Variants in SLC9B1 observed in about 807,000 individuals in gnomAD.
SLC9B1 encodes sodium/hydrogen exchanger 9B1.
Under a neutral mutation model 51.7 loss-of-function variants are expected in SLC9B1, and 32 were observed. The observed-to-expected ratio is 0.62, with a 90% CI of 0.47 to 0.83. SLC9B1 has a LOEUF of 0.83. Ranked by LOEUF, SLC9B1 falls within the 40% of genes least tolerant of loss-of-function variation. The probability of loss-of-function intolerance (pLI) is 0.00; values close to 1 mark genes in which losing one functional copy is unlikely to be tolerated. For synonymous variants in SLC9B1, 145 were observed against 212.7 expected (o/e 0.68, Z 2.77); for missense variants, 406 against 613.2 (o/e 0.66, Z 3.57).
At chr4:102,936,646 G>A (rs1736739307) in intron 6 of SLC9B1, among the ~76,000 whole-genome samples, 1 of 152,158 alleles carries the variant, frequency 6.6e-6, no homozygotes, top group Admixed American at 6.5e-5. Context: ...ACCAAGCTGA[G>A]AAAAGAATCT....
chr4:102,907,326 A>G (rs1350346137), intron 9 of SLC9B1, among the ~76,000 whole-genome samples: 4 of 151,930 alleles, frequency 2.6e-5, no homozygotes, highest in Non-Finnish European at 5.9e-5. Context: ...TGGGTTCTCA[A>G]AAGGGGGTTG....
chr4:102,944,734 G>A (rs998244244), intron 6 of SLC9B1, among the ~76,000 whole-genome samples: 1 of 152,206 alleles, frequency 6.6e-6, no homozygotes, highest in African/African-American at 2.4e-5. Context: ...AGATGGATGG[G>A]GCATTGGATA....
chr4:102,990,718 T>G (rs1362711030), intron 2 of SLC9B1, among the ~76,000 whole-genome samples: 2 of 151,746 alleles, frequency 1.3e-5, no homozygotes, highest in Non-Finnish European at 2.9e-5. Context: ...ATACTTTGAG[T>G]GAGTGAAAGA....
intron 3 of SLC9B1, among the ~76,000 whole-genome samples, chr4:102,950,798 AGCCTGACCAACATG>A (rs996255986): frequency 6.6e-6 from 1 of 152,148 alleles, no homozygotes; most frequent in African/African-American, 2.4e-5. Flanking sequence ...GTTCAAAATG[AGCCTGACCAACATG>A]GTGAAACGCT....
At chr4:102,977,108 C>CCA (rs1438276574) in intron 3 of SLC9B1, among the ~76,000 whole-genome samples, 9 of 151,792 alleles carry the variant, frequency 5.9e-5, no homozygotes, top group Non-Finnish European at 1.0e-4. Flanking sequence ...TGTGATGGTG[C>CCA]CACTGTACTG....
At chr4:102,990,151 T>C (rs192240839) in intron 2 of SLC9B1, among the ~76,000 whole-genome samples, 1 of 152,078 alleles carries the variant, frequency 6.6e-6, no homozygotes, top group African/African-American at 2.4e-5. Flanking sequence ...GAACCTTTTA[T>C]AGACTTGGGT....
chr4:102,912,714 T>G (rs1402124479), intron 7 of SLC9B1, among the ~76,000 whole-genome samples: 1 of 151,928 alleles, frequency 6.6e-6, no homozygotes, highest in Non-Finnish European at 1.5e-5. Flanking sequence ...AACCCCATCT[T>G]TACAAGAAAA....
intron 3 of SLC9B1, among the ~76,000 whole-genome samples, chr4:102,981,432 T>G (rs530213007): frequency 6.6e-6 from 1 of 152,268 alleles, no homozygotes; most frequent in South Asian, 2.1e-4. Flanking sequence ...TGCCAAACTA[T>G]CATCCAAAGG....
chr4:102,981,498 G>A (rs193194243), intron 3 of SLC9B1, among the ~76,000 whole-genome samples: 244 of 152,200 alleles, frequency 1.6e-3, no homozygotes, highest in Middle Eastern at 0.014. Flanking sequence ...CTGTTGCTCC[G>A]TACCCTTGCC....
intron 6 of SLC9B1, among the ~76,000 whole-genome samples, chr4:102,939,025 T>G (rs937764255): frequency 2.0e-5 from 3 of 149,204 alleles, no homozygotes; most frequent in African/African-American, 4.9e-5. Flanking sequence ...ATAACCAAAA[T>G]CAGAGCAGAA....
intron 1 of SLC9B1, among the ~76,000 whole-genome samples, chr4:103,009,857 T>G (rs1447031109): frequency 6.6e-6 from 1 of 152,202 alleles, no homozygotes; most frequent in Non-Finnish European, 1.5e-5. Context: ...CAAATGAATT[T>G]GAGACCTACA....
At chr4:103,008,793 GTTTCTTTTTTTTTT>G (rs1214680301) in intron 1 of SLC9B1, among the ~76,000 whole-genome samples, 16 of 115,442 alleles carry the variant, frequency 1.4e-4, no homozygotes, top group Admixed American at 5.6e-4. Context: ...GGCTTTAACA[GTTTCTTTTTTTTTT>G]TTTTTTTTTT....
chr4:102,927,675 C>T (rs1449381393), intron 7 of SLC9B1, among the ~76,000 whole-genome samples: 2 of 152,214 alleles, frequency 1.3e-5, no homozygotes, highest in Non-Finnish European at 1.5e-5. Flanking sequence ...GGCGATTCCT[C>T]GAGGATATAG....
At chr4:103,007,631 C>T (rs543679315) in intron 1 of SLC9B1, among the ~76,000 whole-genome samples, 15 of 127,840 alleles carry the variant, frequency 1.2e-4, no homozygotes, top group African/African-American at 3.6e-4. Context: ...GATGGGTTCT[C>T]ACTCTGTCTG....
intron 3 of SLC9B1, among the ~76,000 whole-genome samples, chr4:102,955,139 C>T (rs975087272): frequency 1.3e-5 from 2 of 152,116 alleles, no homozygotes; most frequent in Non-Finnish European, 2.9e-5. Context: ...ACAATTCCCA[C>T]GTGTTGTGGG....
At chr4:102,916,281 C>T (rs914779035) in intron 7 of SLC9B1, among the ~76,000 whole-genome samples, 10 of 152,158 alleles carry the variant, frequency 6.6e-5, no homozygotes, top group African/African-American at 2.4e-4. Flanking sequence ...CAAAAGAGAA[C>T]AACGATGGCC....
intron 11 of SLC9B1, chr4:102,890,300 A>G (rs541067227): frequency 2.6e-5 from 4 of 152,286 alleles, no homozygotes; most frequent in East Asian, 3.9e-4. Context: ...ATATAGTACT[A>G]CCTTCCTCAT....
chr4:102,919,087 C>T (rs926873856), intron 7 of SLC9B1, among the ~76,000 whole-genome samples: 3 of 152,106 alleles, frequency 2.0e-5, no homozygotes, highest in Non-Finnish European at 2.9e-5. Flanking sequence ...ACCATTTTTT[C>T]CCTCCTAGGC....
At chr4:102,999,069 G>T (rs1740379212) in intron 1 of SLC9B1, among the ~76,000 whole-genome samples, 1 of 152,134 alleles carries the variant, frequency 6.6e-6, no homozygotes, top group Non-Finnish European at 1.5e-5. Context: ...GCCCAGGCTG[G>T]TCTCAAACTC....
Sources: allele counts gnomAD v4.1 joint callset (sites outside exome capture counted in the v4.1 genomes callset), GRCh38; gene constraint gnomAD v4.1.1; transcripts MANE v1.5; gene names NCBI Gene and HGNC (gene_info 2026-07-23, HGNC 2026-07-21).